The following GRIN2A variants were observed in gnomAD, a reference collection of about 807,000 sequenced individuals.
GRIN2A encodes glutamate receptor ionotropic, NMDA 2A.
A neutral mutation model predicts 113.4 loss-of-function variants in GRIN2A; 22 were observed. The ratio of observed to expected loss-of-function variants is 0.19; its 90% CI spans 0.14 to 0.28. The LOEUF (loss-of-function observed/expected upper bound fraction) is 0.28, where lower values mean the gene tolerates loss of function less well. Among genes scored for constraint, GRIN2A ranks in the 10% least tolerant of loss-of-function variants. GRIN2A has a pLI of 1.00. For missense variants in GRIN2A, 1,502 were observed against 1,887.0 expected, an observed-to-expected ratio of 0.80 and a Z score of 3.78; for synonymous variants, 827 against 738.4, an observed-to-expected ratio of 1.12 and a Z score of -1.94.
chr16:10,075,418 T>C (rs970926467), intron 2 of GRIN2A, among the ~76,000 whole-genome samples: 3 of 152,018 alleles, frequency 2.0e-5, no homozygotes, highest in Admixed American at 1.3e-4. Flanking sequence ...GAAAGTAGAA[T>C]AGTAGTTACC....
At chr16:10,150,585 T>C (rs2142290424) in intron 2 of GRIN2A, among the ~76,000 whole-genome samples, 1 of 152,206 alleles carries the variant, frequency 6.6e-6, no homozygotes, top group East Asian at 1.9e-4. Flanking sequence ...GCCATCCTAG[T>C]CTTCTTACTA....
chr16:9,843,116 GA>G (rs1414733402), intron 5 of GRIN2A, among the ~76,000 whole-genome samples: 4 of 151,844 alleles, frequency 2.6e-5, no homozygotes, highest in Non-Finnish European at 5.9e-5. Flanking sequence ...AGGAGGAAAC[GA>G]GGAAAGGAAG....
chr16:10,180,734 T>G lies in GRIN2A; in HGVS notation c.-18-305A>C. The G allele has an allele frequency of 2.6e-5, 13 of 490,890 alleles. No homozygotes were observed. The highest frequency in any genetic ancestry group is 3.7e-5 in the Non-Finnish European group (10 of 268,288). 30.4% of individuals were successfully genotyped at this position (490,890 alleles called of 1,614,324 possible). The stretch of plus-strand genomic sequence containing the variant: ...ATCTCTGTCCATATCCCCCACCGCA[T>G]TCCCCAAGTTCGCCGCGGGCCACAG... On this transcript the variant is annotated intron_variant, in intron 1 of 12. Transcript: ENST00000330684. The surrounding 1 kb of genome is among the most constrained non-coding windows in gnomAD (Gnocchi z 7.0).
intron 2 of GRIN2A, among the ~76,000 whole-genome samples, chr16:10,095,273 G>A (rs1239193130): frequency 6.6e-6 from 1 of 152,136 alleles, no homozygotes; most frequent in Non-Finnish European, 1.5e-5. Context: ...AAGACACCCA[G>A]TCTATGATAT....
chr16:9,980,503 T>C (rs1342374694), intron 2 of GRIN2A, among the ~76,000 whole-genome samples: 1 of 152,084 alleles, frequency 6.6e-6, no homozygotes, highest in African/African-American at 2.4e-5. Flanking sequence ...ACCCAAAGGA[T>C]TATAAATCAT....
intron 3 of GRIN2A, among the ~76,000 whole-genome samples, chr16:9,894,946 A>C (rs1022765205): frequency 3.9e-5 from 6 of 152,148 alleles, no homozygotes; most frequent in African/African-American, 1.2e-4. Context: ...TCAATCCATT[A>C]ATCCATCCAT....
chr16:9,846,168 T>C (rs1212623387), intron 5 of GRIN2A, among the ~76,000 whole-genome samples: 5 of 152,188 alleles, frequency 3.3e-5, no homozygotes, highest in African/African-American at 4.8e-5. Flanking sequence ...TCATGAATCA[T>C]GGGATGTACA....
At chr16:9,892,171 C>T (rs868369847) in intron 3 of GRIN2A, among the ~76,000 whole-genome samples, 19 of 152,204 alleles carry the variant, frequency 1.2e-4, no homozygotes, top group East Asian at 5.8e-4. Context: ...GCAGAAGTCA[C>T]GGTGAGCCGA....
chr16:9,846,106 A>G (rs1330719149), intron 5 of GRIN2A, among the ~76,000 whole-genome samples: 3 of 152,178 alleles, frequency 2.0e-5, no homozygotes, highest in African/African-American at 7.2e-5. Context: ...AACATTCCTG[A>G]CCCCAAAACA....
chr16:9,777,926 G>T (rs1003259063), intron 11 of GRIN2A, among the ~76,000 whole-genome samples: 1 of 152,260 alleles, frequency 6.6e-6, no homozygotes, highest in Admixed American at 6.5e-5. Context: ...TTAGCTGGGC[G>T]TGGTCGTGGG....
chr16:10,108,057 C>G (rs1356019273), intron 2 of GRIN2A, among the ~76,000 whole-genome samples: 3 of 152,206 alleles, frequency 2.0e-5, no homozygotes, highest in Non-Finnish European at 4.4e-5. Context: ...AGATTAGGTA[C>G]TCCTTGCATC....
intron 2 of GRIN2A, among the ~76,000 whole-genome samples, chr16:10,067,341 A>G (rs893634766): frequency 2.6e-5 from 4 of 152,232 alleles, no homozygotes; most frequent in Admixed American, 1.3e-4. Context: ...TGGAGCCACA[A>G]AAGTCTGTTT....
At chr16:9,885,062 T>A (rs921851411) in intron 4 of GRIN2A, among the ~76,000 whole-genome samples, 3 of 152,114 alleles carry the variant, frequency 2.0e-5, no homozygotes, top group African/African-American at 7.2e-5. Flanking sequence ...TGGCCCAAGT[T>A]CACCCTTCTC....
intron 2 of GRIN2A, among the ~76,000 whole-genome samples, chr16:9,993,712 A>G (rs902248487): frequency 1.3e-5 from 2 of 152,198 alleles, no homozygotes; most frequent in Admixed American, 1.3e-4. Context: ...TGGCTTGCCC[A>G]AAGTCACCCA....
intron 2 of GRIN2A, among the ~76,000 whole-genome samples, chr16:9,954,497 A>G (rs955231153): frequency 2.0e-5 from 3 of 152,192 alleles, no homozygotes; most frequent in African/African-American, 7.2e-5. Flanking sequence ...AACAGAGCTT[A>G]TTAAAAACTC....
At chr16:10,083,203 C>T (rs2048017329) in intron 2 of GRIN2A, among the ~76,000 whole-genome samples, 1 of 152,234 alleles carries the variant, frequency 6.6e-6, no homozygotes, top group South Asian at 2.1e-4. Context: ...AGAGACAATG[C>T]AAACAGGAGC....
intron 11 of GRIN2A, among the ~76,000 whole-genome samples, chr16:9,784,237 C>T (rs1902087688): frequency 6.6e-6 from 1 of 152,082 alleles, no homozygotes; most frequent in Non-Finnish European, 1.5e-5. Flanking sequence ...CAAGACCAGC[C>T]TGGCCAACAT....
intron 10 of GRIN2A, among the ~76,000 whole-genome samples, chr16:9,801,724 A>G (rs2141241457): frequency 2.6e-5 from 4 of 152,320 alleles, no homozygotes; most frequent in Middle Eastern, 6.8e-3. Flanking sequence ...GTTGACTCTG[A>G]CCAAAGCAGT....
chr16:10,148,303 G>A (rs2049488824), intron 2 of GRIN2A, among the ~76,000 whole-genome samples: 1 of 152,178 alleles, frequency 6.6e-6, no homozygotes, highest in Admixed American at 6.5e-5. Context: ...GGCCTGCAAA[G>A]CCTAAAACAT....
Sources: gnomAD v4.1 joint callset for allele counts (sites outside exome capture counted in the v4.1 genomes callset) on GRCh38, gnomAD v4.1.1 for gene constraint, Gnocchi (gnomAD v3.1) non-coding constraint, MANE v1.5 for transcripts, NCBI Gene and HGNC (gene_info 2026-07-23, HGNC 2026-07-21) for gene names.